ERC1: variants seen among roughly 807,000 people sequenced by gnomAD.
The protein encoded by ERC1 is ELKS/RAB6-interacting/CAST family member 1.
Under a neutral mutation model 132.0 loss-of-function variants are expected in ERC1, and 56 were observed. That is an observed-to-expected ratio of 0.42 (90% CI 0.34 to 0.53). ERC1 has a LOEUF of 0.53. Ranked by LOEUF, ERC1 falls within the 20% of genes least tolerant of loss-of-function variation. The pLI is 0.03. For missense variants in ERC1, 1,202 were observed against 1,349.9 expected (o/e 0.89, Z 1.72); for synonymous variants, 478 against 476.1 (o/e 1.00, Z -0.05).
chr12:1,039,346 A>AAT (rs1555210980), intron 2 of ERC1, among the ~76,000 whole-genome samples: 1 of 149,474 alleles, frequency 6.7e-6, no homozygotes, highest in African/African-American at 2.4e-5. Context: ...TCAAAAAAAA[A>AAT]AAAAAATAAA....
chr12:1,020,740 A>G (rs1188336869), intron 1 of ERC1: 1 of 152,196 alleles, frequency 6.6e-6, no homozygotes, highest in Non-Finnish European at 1.5e-5. Flanking sequence ...GTGATTTGAG[A>G]GAGTGACGAA....
intron 15 of ERC1, among the ~76,000 whole-genome samples, chr12:1,315,902 T>C (rs953977915): frequency 3.4e-4 from 52 of 152,044 alleles, no homozygotes; most frequent in Non-Finnish European, 6.5e-4. Flanking sequence ...TAAACATTTT[T>C]TTTTTTTGAG....
intron 1 of ERC1, among the ~76,000 whole-genome samples, chr12:1,005,613 G>A (rs765642013): frequency 6.6e-6 from 1 of 152,120 alleles, no homozygotes; most frequent in Non-Finnish European, 1.5e-5. Context: ...GTATTGCCAA[G>A]TTTCTGAATC....
chr12:1,189,423 AGGAAAT>A (rs1268783937), intron 11 of ERC1, among the ~76,000 whole-genome samples: 1 of 152,206 alleles, frequency 6.6e-6, no homozygotes, highest in African/African-American at 2.4e-5. Flanking sequence ...AGCAGCATAT[AGGAAAT>A]GGAAATGGAA....
intron 15 of ERC1, among the ~76,000 whole-genome samples, chr12:1,336,685 G>A (rs1182037642): frequency 1.3e-5 from 2 of 152,142 alleles, no homozygotes; most frequent in African/African-American, 4.8e-5. Flanking sequence ...CAGTTTTAGA[G>A]TATGTGCCAT....
chr12:1,136,047 T>C (rs1949218891), intron 7 of ERC1, among the ~76,000 whole-genome samples: 4 of 152,216 alleles, frequency 2.6e-5, no homozygotes, highest in African/African-American at 9.6e-5. Context: ...GTTCTTATTC[T>C]CTCTCGAAGC....
intron 15 of ERC1, among the ~76,000 whole-genome samples, chr12:1,298,844 C>T (rs1410502463): frequency 4.6e-5 from 7 of 150,864 alleles, no homozygotes; most frequent in South Asian, 4.2e-4. Context: ...CTGGAATTAA[C>T]GGAAAAAGGT....
At chr12:1,206,133 A>G (rs1186582492) in intron 12 of ERC1, among the ~76,000 whole-genome samples, 1 of 152,166 alleles carries the variant, frequency 6.6e-6, no homozygotes, top group Admixed American at 6.5e-5. Context: ...AGTGGCAAAG[A>G]TCATCTTAGC....
intron 2 of ERC1, among the ~76,000 whole-genome samples, chr12:1,044,933 C>T (rs2154163843): frequency 6.6e-6 from 1 of 152,150 alleles, no homozygotes; most frequent in South Asian, 2.1e-4. Flanking sequence ...GGAGTGCTTT[C>T]CCAAAAGGAA....
chr12:1,246,563 C>T (rs2076171137), intron 13 of ERC1, among the ~76,000 whole-genome samples: 1 of 152,170 alleles, frequency 6.6e-6, no homozygotes, highest in Non-Finnish European at 1.5e-5. Flanking sequence ...TTAAACATGG[C>T]TTTCATAGTC....
At chr12:1,418,627 CTTTCTT>C (rs1433160404) in intron 17 of ERC1, among the ~76,000 whole-genome samples, 31 of 119,474 alleles carry the variant, frequency 2.6e-4, no homozygotes, top group African/African-American at 1.2e-3. Context: ...TTCTTTCTTT[CTTTCTT>C]TCTTTCTTTC....
intron 15 of ERC1, among the ~76,000 whole-genome samples, chr12:1,338,083 C>G (rs571456243): frequency 1.3e-5 from 2 of 152,334 alleles, no homozygotes; most frequent in East Asian, 3.9e-4. Flanking sequence ...ATTAGTCTCT[C>G]TAGCTAGGGT....
At chr12:1,179,958 A>T (rs115911220) in intron 8 of ERC1, among the ~76,000 whole-genome samples, 1 of 152,218 alleles carries the variant, frequency 6.6e-6, no homozygotes, top group Non-Finnish European at 1.5e-5. Context: ...ATGAATGCAT[A>T]TAAGTATGTA....
intron 15 of ERC1, among the ~76,000 whole-genome samples, chr12:1,334,740 T>G (rs903075477): frequency 7.2e-5 from 11 of 152,174 alleles, no homozygotes; most frequent in African/African-American, 2.7e-4. Flanking sequence ...CATATGAATT[T>G]TAAGATAGTT....
chr12:1,325,464 G>C (rs2082381399), intron 15 of ERC1, among the ~76,000 whole-genome samples: 1 of 152,140 alleles, frequency 6.6e-6, no homozygotes, highest in Admixed American at 6.5e-5. Context: ...CATTTTCTCT[G>C]CTGTAAGAAA....
At chr12:1,182,660 A>ATTT (rs550078937) in intron 10 of ERC1, among the ~76,000 whole-genome samples, 10,646 of 146,780 alleles carry the variant, frequency 0.073, 495 homozygotes, top group Admixed American at 0.15. Context: ...GAAAAATGTG[A>ATTT]TTTTTTTTTT....
intron 8 of ERC1, among the ~76,000 whole-genome samples, chr12:1,147,515 A>T (rs1950489503): frequency 6.6e-6 from 1 of 152,182 alleles, no homozygotes; most frequent in Admixed American, 6.5e-5. Context: ...TGTGCTTCTC[A>T]TACATTTACT....
intron 15 of ERC1, among the ~76,000 whole-genome samples, chr12:1,361,382 C>T (rs2086103623): frequency 1.3e-5 from 2 of 151,850 alleles, no homozygotes. Flanking sequence ...ACATTGTGCA[C>T]ATGTACCCTA....
At chr12:1,180,836 A>G (rs1414921447) in intron 9 of ERC1, among the ~76,000 whole-genome samples, 159 bp downstream of exon 9, 2 of 133,094 alleles carry the variant, frequency 1.5e-5, no homozygotes, top group Admixed American at 1.4e-4. Context: ...TTTTTTTTAG[A>G]TGGAGTCTCA....
Sources: gnomAD v4.1 joint callset for allele counts (sites outside exome capture counted in the v4.1 genomes callset) on GRCh38, gnomAD v4.1.1 for gene constraint, MANE v1.5 for transcripts, NCBI Gene and HGNC (gene_info 2026-07-23, HGNC 2026-07-21) for gene names.